Variants in SNTG1 observed in about 807,000 individuals in gnomAD.
SNTG1 encodes the protein gamma-1-syntrophin.
A neutral mutation model predicts 74.7 loss-of-function variants in SNTG1; 39 were observed. The observed-to-expected ratio is 0.52, with a 90% CI of 0.40 to 0.68. The LOEUF (loss-of-function observed/expected upper bound fraction) is 0.68, where lower values mean the gene tolerates loss of function less well. SNTG1 is among the 30% of genes least tolerant of loss of function. The pLI is 0.00. For synonymous variants in SNTG1, 254 were observed against 217.1 expected, an observed-to-expected ratio of 1.17 and a Z score of -1.49; for missense variants, 685 against 609.5, an observed-to-expected ratio of 1.12 and a Z score of -1.30.
intron 1 of SNTG1, among the ~76,000 whole-genome samples, chr8:49,986,863 C>T (rs759741875): frequency 9.2e-5 from 14 of 151,940 alleles, no homozygotes; most frequent in Non-Finnish European, 1.2e-4. Flanking sequence ...GAGTGAGCCA[C>T]GGTCTCAAAA....
Position 50,788,964 on chromosome 8 carries a change from A to G in SNTG1, c.1396-3707A>G, listed in dbSNP as rs75826723. On this transcript the variant is annotated intron_variant, in intron 18 of 18. Coordinates refer to ENST00000642720, the MANE Select transcript of SNTG1 (RefSeq NM_018967.5). Reference sequence around the variant, plus strand: ...AATTGTCCTCAGATTTGATATCTCAACCATTTCATGCCAGCAATTCTACAA... The same window carrying G: ...AATTGTCCTCAGATTTGATATCTCAGCCATTTCATGCCAGCAATTCTACAA... Among the ~76,000 whole-genome samples, 389 of 152,098 alleles carry G rather than the reference A, an allele frequency of 2.6e-3. 2 individuals carry two copies. Among genetic ancestry groups the G allele is most frequent in the African/African-American group, 9.1e-3 (376 of 41,522 alleles).
intron 2 of SNTG1, among the ~76,000 whole-genome samples, chr8:50,203,000 A>G (rs2084049446): frequency 6.6e-6 from 1 of 152,080 alleles, no homozygotes; most frequent in African/African-American, 2.4e-5. Flanking sequence ...TTACACATAT[A>G]TGACAGCTTT....
At chr8:50,230,206 G>A (rs2085544536) in intron 2 of SNTG1, among the ~76,000 whole-genome samples, 1 of 151,200 alleles carries the variant, frequency 6.6e-6, no homozygotes, top group Non-Finnish European at 1.5e-5. Flanking sequence ...CAGAAGAAAA[G>A]TAAAGCAGAA....
intron 2 of SNTG1, among the ~76,000 whole-genome samples, chr8:50,242,359 T>C (rs940975667): frequency 6.6e-6 from 1 of 151,606 alleles, no homozygotes; most frequent in African/African-American, 2.4e-5. Flanking sequence ...CGAAACCCCA[T>C]CTCTACTAAC....
rs138139823 is a variant in SNTG1, at chr8:50,606,177, G to A, written c.849+15260G>A. On this transcript the variant is annotated intron_variant, in intron 13 of 18. Coordinates refer to ENST00000642720, the MANE Select transcript of SNTG1 (RefSeq NM_018967.5). Reference sequence around the variant, plus strand: ...TTTCTAAACAGAAAGTTAGAAACACGTGAACAACTTGTAGACTTATTCAAG... The same window carrying A: ...TTTCTAAACAGAAAGTTAGAAACACATGAACAACTTGTAGACTTATTCAAG... Among the ~76,000 whole-genome samples, 1,208 of 152,218 alleles carry A rather than the reference G, an allele frequency of 7.9e-3. 12 individuals carry two copies. The highest frequency in any genetic ancestry group is 0.027 in the African/African-American group (1,102 of 41,536).
chr8:50,458,288 T>G (rs1393565819), intron 8 of SNTG1: 2 of 151,088 alleles, frequency 1.3e-5, no homozygotes, highest in African/African-American at 2.4e-5. Context: ...TGGTGAAAAT[T>G]AATTTGTAAA....
chr8:50,643,583 A>C (rs13255182), intron 13 of SNTG1, among the ~76,000 whole-genome samples: 34,157 of 152,054 alleles, frequency 0.22, 4,447 homozygotes, highest in African/African-American at 0.35. Context: ...TGTAACAGAG[A>C]ACTCGTGGTA....
intron 8 of SNTG1, chr8:50,458,058 G>T (rs985487447): frequency 6.6e-6 from 1 of 152,140 alleles, no homozygotes; most frequent in Non-Finnish European, 1.5e-5. Flanking sequence ...CCACACAGTG[G>T]AGCCCAGTGG....
chr8:50,648,089 T>A (rs1000535274), intron 13 of SNTG1, among the ~76,000 whole-genome samples: 11 of 152,162 alleles, frequency 7.2e-5, no homozygotes, highest in African/African-American at 2.7e-4. Flanking sequence ...CTTTTCCTGT[T>A]TGGCATAGTA....
chr8:50,153,407 G>T (rs541706562), intron 1 of SNTG1, among the ~76,000 whole-genome samples: 2 of 152,162 alleles, frequency 1.3e-5, no homozygotes, highest in African/African-American at 4.8e-5. Flanking sequence ...CAACTCGTCA[G>T]CATCATTCTC....
At chr8:50,194,849 G>A (rs2083704436) in intron 2 of SNTG1, among the ~76,000 whole-genome samples, 1 of 152,042 alleles carries the variant, frequency 6.6e-6, no homozygotes, top group South Asian at 2.1e-4. Flanking sequence ...TTAGCCCAGA[G>A]ATTTTGATAG....
intron 12 of SNTG1, among the ~76,000 whole-genome samples, chr8:50,587,433 A>T (rs765524125): frequency 6.6e-6 from 1 of 152,118 alleles, no homozygotes; most frequent in African/African-American, 2.4e-5. Flanking sequence ...AGCATAATAA[A>T]TACTTCAGTG....
At chr8:50,138,597 C>T (rs544215068) in intron 1 of SNTG1, among the ~76,000 whole-genome samples, 1 of 150,544 alleles carries the variant, frequency 6.6e-6, no homozygotes, top group African/African-American at 2.4e-5. Flanking sequence ...TGCACTCCAG[C>T]CTGGGCAACA....
chr8:50,129,152 G>A (rs2081236482), intron 1 of SNTG1, among the ~76,000 whole-genome samples: 1 of 152,038 alleles, frequency 6.6e-6, no homozygotes, highest in African/African-American at 2.4e-5. Flanking sequence ...TATGTGCCAA[G>A]CACTACACTA....
At chr8:50,327,042 T>C (rs1334222978) in intron 2 of SNTG1, among the ~76,000 whole-genome samples, 1 of 152,152 alleles carries the variant, frequency 6.6e-6, no homozygotes, top group Non-Finnish European at 1.5e-5. Flanking sequence ...AGTTCCATTG[T>C]AGTGTGAGAG....
chr8:50,007,888 G>A (rs973164622), intron 1 of SNTG1, among the ~76,000 whole-genome samples: 2 of 152,134 alleles, frequency 1.3e-5, no homozygotes, highest in Admixed American at 6.6e-5. Flanking sequence ...AATCATGGTG[G>A]GAGGCAAAGG....
chr8:50,311,666 T>G (rs543210128), intron 2 of SNTG1, among the ~76,000 whole-genome samples: 22 of 152,336 alleles, frequency 1.4e-4, no homozygotes, highest in African/African-American at 5.0e-4. Flanking sequence ...CACTACAACT[T>G]GTTCAATTCT....
intron 1 of SNTG1, among the ~76,000 whole-genome samples, chr8:50,046,876 C>T (rs1819134577): frequency 6.6e-6 from 1 of 152,190 alleles, no homozygotes; most frequent in Non-Finnish European, 1.5e-5. Context: ...AAATTATTAG[C>T]CTTTATACAA....
chr8:50,217,260 C>A (rs1220900232), intron 2 of SNTG1, among the ~76,000 whole-genome samples: 5 of 151,876 alleles, frequency 3.3e-5, no homozygotes, highest in Admixed American at 6.6e-5. Flanking sequence ...GATGTAAAAT[C>A]TCATGTAGGA....
Sources: gnomAD v4.1 joint callset for allele counts (sites outside exome capture counted in the v4.1 genomes callset) on GRCh38, gnomAD v4.1.1 for gene constraint, MANE v1.5 for transcripts, NCBI Gene and HGNC (gene_info 2026-07-23, HGNC 2026-07-21) for gene names.